ITGBL1: variants seen among roughly 807,000 people sequenced by gnomAD.
The protein encoded by ITGBL1 is integrin subunit beta like 1, also known as integrin beta-like protein 1.
A neutral mutation model predicts 68.5 loss-of-function variants in ITGBL1; 51 were observed. The ratio of observed to expected loss-of-function variants is 0.74; its 90% CI spans 0.59 to 0.94. ITGBL1 has a LOEUF of 0.94. Ranked by LOEUF, ITGBL1 falls within the 40% of genes least tolerant of loss-of-function variation. The pLI, the probability that ITGBL1 is intolerant of heterozygous loss-of-function variation, is 0.00. For synonymous variants in ITGBL1, 209 were observed against 227.3 expected (o/e 0.92, Z 0.72); for missense variants, 649 against 647.4 (o/e 1.00, Z -0.03).
At chr13:101,553,226 A>C (rs1480804011) in intron 2 of ITGBL1, among the ~76,000 whole-genome samples, 1 of 152,204 alleles carries the variant, frequency 6.6e-6, no homozygotes, top group Admixed American at 6.5e-5. Flanking sequence ...GACACATGTT[A>C]GCAAGGAGAA....
intron 3 of ITGBL1, among the ~76,000 whole-genome samples, chr13:101,570,826 C>T (rs2050260194): frequency 6.6e-6 from 1 of 152,098 alleles, no homozygotes; most frequent in Non-Finnish European, 1.5e-5. Flanking sequence ...TTAATGTAGA[C>T]ATTTATAAGA....
chr13:101,501,478 C>CT (rs1161164737), intron 2 of ITGBL1, among the ~76,000 whole-genome samples: 1 of 152,156 alleles, frequency 6.6e-6, no homozygotes, highest in African/African-American at 2.4e-5. Flanking sequence ...AAGAGCTTTC[C>CT]TTTCGAGAAT....
chr13:101,503,617 C>G (rs1342934952), intron 2 of ITGBL1, among the ~76,000 whole-genome samples: 1 of 152,146 alleles, frequency 6.6e-6, no homozygotes, highest in South Asian at 2.1e-4. Context: ...AACACACCCC[C>G]TAGGGGAGTA....
At chr13:101,487,649 C>T (rs2048719701) in intron 2 of ITGBL1, among the ~76,000 whole-genome samples, 1 of 152,118 alleles carries the variant, frequency 6.6e-6, no homozygotes, top group South Asian at 2.1e-4. Flanking sequence ...TTCCTAAGCC[C>T]CTTTTCCGAA....
At chr13:101,588,095 A>T (rs909532928) in intron 6 of ITGBL1, among the ~76,000 whole-genome samples, 2 of 152,342 alleles carry the variant, frequency 1.3e-5, no homozygotes, top group African/African-American at 4.8e-5. Flanking sequence ...CACAATAGTT[A>T]CAAATAAACA....
chr13:101,682,233 A>G (rs1371692666), intron 7 of ITGBL1, among the ~76,000 whole-genome samples: 1 of 152,186 alleles, frequency 6.6e-6, no homozygotes, highest in Non-Finnish European at 1.5e-5. Flanking sequence ...TATTTGTAAT[A>G]ATGCAAATGA....
At chr13:101,551,667 T>C (rs928294467) in intron 2 of ITGBL1, among the ~76,000 whole-genome samples, 2 of 152,304 alleles carry the variant, frequency 1.3e-5, no homozygotes, top group Non-Finnish European at 2.9e-5. Context: ...GAAGTGAGGA[T>C]GATTATGTTT....
At chr13:101,524,583 T>C (rs1357955417) in intron 2 of ITGBL1, among the ~76,000 whole-genome samples, 3 of 151,960 alleles carry the variant, frequency 2.0e-5, no homozygotes, top group Non-Finnish European at 1.5e-5. Context: ...TTAATTAACA[T>C]CTGTTTCTCC....
At chr13:101,545,140 C>T (rs1331879188) in intron 2 of ITGBL1, among the ~76,000 whole-genome samples, 1 of 152,232 alleles carries the variant, frequency 6.6e-6, no homozygotes, top group Non-Finnish European at 1.5e-5. Context: ...TCTTCTGCGT[C>T]GCTCACACTG....
chr13:101,486,944 C>A (rs2139051432), intron 2 of ITGBL1, among the ~76,000 whole-genome samples: 1 of 146,612 alleles, frequency 6.8e-6, no homozygotes, highest in Non-Finnish European at 1.5e-5. Flanking sequence ...ATTGCATCAG[C>A]CAAATGGGAA....
chr13:101,619,985 G>A (rs535097963), intron 7 of ITGBL1, among the ~76,000 whole-genome samples: 2 of 152,110 alleles, frequency 1.3e-5, no homozygotes, highest in East Asian at 3.9e-4. Context: ...TTTATTCCAT[G>A]TTGTAATATA....
At chr13:101,575,980 C>A (rs2050352400) in intron 4 of ITGBL1, among the ~76,000 whole-genome samples, 1 of 152,128 alleles carries the variant, frequency 6.6e-6, no homozygotes, top group South Asian at 2.1e-4. Flanking sequence ...AGTTTACCTC[C>A]CCCTCTCTGT....
At chr13:101,589,322 C>G (rs1322247861) in intron 6 of ITGBL1, among the ~76,000 whole-genome samples, 2 of 152,092 alleles carry the variant, frequency 1.3e-5, no homozygotes, top group Non-Finnish European at 2.9e-5. Flanking sequence ...TCTACTTTCC[C>G]CAAACAATAA....
rs71125018 is a variant in ITGBL1, at chr13:101,693,624, GTCTATCTATCTA to G, written c.1132+954_1132+965del. Among the ~76,000 whole-genome samples, 606 of 146,186 alleles carry G rather than the reference GTCTATCTATCTA, an allele frequency of 4.1e-3. 7 individuals carry two copies. In the East Asian group the frequency reaches 0.043, roughly 10 times the overall value. On this transcript the variant is annotated intron_variant, in intron 8 of 10. Transcript: ENST00000376180. ...ATCCATCCATCCTATCTGTCTGTCT[GTCTATCTATCTA>G]TCTATCTATCTATCTATCTATCTAT...
At chr13:101,674,348 C>T (rs2033449180) in intron 7 of ITGBL1, among the ~76,000 whole-genome samples, 1 of 152,178 alleles carries the variant, frequency 6.6e-6, no homozygotes, top group Admixed American at 6.5e-5. Flanking sequence ...CTTCTTTTGC[C>T]ACCCTGAGTA....
chr13:101,714,836 T>C (rs1408990948), intron 10 of ITGBL1: 4 of 378,374 alleles, frequency 1.1e-5, no homozygotes, highest in East Asian at 4.9e-5. Context: ...CAGTTGTATA[T>C]TGAACACAGA....
intron 7 of ITGBL1, among the ~76,000 whole-genome samples, chr13:101,660,601 C>A (rs1161875814): frequency 6.6e-6 from 1 of 152,074 alleles, no homozygotes; most frequent in Non-Finnish European, 1.5e-5. Context: ...AACCTGGTGG[C>A]CTTTTATTAG....
intron 2 of ITGBL1, among the ~76,000 whole-genome samples, chr13:101,558,594 A>C (rs1418701828): frequency 6.6e-6 from 1 of 152,174 alleles, no homozygotes; most frequent in Non-Finnish European, 1.5e-5. Context: ...AGGACACCTG[A>C]GATATGCCAT....
chr13:101,559,420 A>G (rs922869714), intron 2 of ITGBL1, among the ~76,000 whole-genome samples: 4 of 152,222 alleles, frequency 2.6e-5, no homozygotes, highest in Non-Finnish European at 4.4e-5. Flanking sequence ...TTTCTGAATT[A>G]TTTCATGTAG....
Sources: gnomAD v4.1 joint callset for allele counts (sites outside exome capture counted in the v4.1 genomes callset) on GRCh38, gnomAD v4.1.1 for gene constraint, MANE v1.5 for transcripts, NCBI Gene and HGNC (gene_info 2026-07-23, HGNC 2026-07-21) for gene names.